The following METTL3 variants were observed in gnomAD, a reference collection of about 807,000 sequenced individuals.
METTL3 encodes the protein methyltransferase 3, N6-adenosine-methyltransferase complex catalytic subunit, also known as N(6)-adenosine-methyltransferase catalytic subunit METTL3.
Under a neutral mutation model 64.3 loss-of-function variants are expected in METTL3, and 42 were observed. The ratio of observed to expected loss-of-function variants is 0.65; its 90% CI spans 0.51 to 0.84. The LOEUF (loss-of-function observed/expected upper bound fraction) is 0.84. Ranked by LOEUF, METTL3 falls within the 40% of genes least tolerant of loss-of-function variation. The probability of loss-of-function intolerance (pLI) is 0.00; values close to 1 mark genes in which losing one functional copy is unlikely to be tolerated. For synonymous variants in METTL3, 256 were observed against 263.6 expected (o/e 0.97, Z 0.28); for missense variants, 435 against 722.3 (o/e 0.60, Z 4.56).
chr14:21,510,889 C>G (rs899946285), intron 1 of METTL3: 9 of 505,060 alleles, frequency 1.8e-5, no homozygotes, highest in Non-Finnish European at 3.2e-5. Flanking sequence ...GGGTGGGGCT[C>G]AAGCGTCCGT....
intron 3 of METTL3, 109 bp from the exon 4 acceptor site, chr14:21,502,012 CTTTTTTTTTTT>C: frequency 2.2e-6 from 1 of 457,332 alleles, no homozygotes; most frequent in Non-Finnish European, 3.7e-6. Flanking sequence ...GATAAATCAA[CTTTTTTTTTTT>C]TTTTTTTTTT....
chr14:21,500,158 G>C (rs1391271438), intron 6 of METTL3, among the ~76,000 whole-genome samples: 2 of 152,092 alleles, frequency 1.3e-5, no homozygotes, highest in African/African-American at 4.8e-5. Context: ...AGGAGATAGA[G>C]ACCATCCTGG....
In METTL3 at chr14:21,501,793, A is replaced by G; in HGVS notation, c.834T>C (p.Tyr278=). ...CTTTCATGCACTCCTCCTTGGTTCC[A>G]TAGTCACAGAATTCTTGCACTTGGG... ...GRAQVQEFCD[Y]GTKEECMKAS... Residue 278 remains tyrosine (Y), a synonymous_variant, in exon 4 of 11, where the codon TAT becomes TAC. Coordinates refer to ENST00000298717, the MANE Select transcript of METTL3 (RefSeq NM_019852.5). 6.2e-7 allele frequency: 1 copy of G among 1,614,158 alleles called. No homozygotes were observed. Among genetic ancestry groups the G allele is most frequent in the Non-Finnish European group, 8.5e-7 (1 of 1,180,022 alleles).
chr14:21,507,055 C>T (rs1380885185), intron 1 of METTL3, among the ~76,000 whole-genome samples: 3 of 152,092 alleles, frequency 2.0e-5, no homozygotes, highest in Non-Finnish European at 4.4e-5. Context: ...GCTGTGGACA[C>T]CTGTAGTCAC....
At chr14:21,510,977 G>C (rs1891821276) in intron 1 of METTL3, 147 bp downstream of exon 1, 7 of 881,184 alleles carry the variant, frequency 7.9e-6, no homozygotes, top group Non-Finnish European at 1.2e-5. Flanking sequence ...GCGAACGTCT[G>C]CTGCTGAAGG....
chr14:21,498,586 G>A (rs557566602), intron 10 of METTL3: 3 of 575,586 alleles, frequency 5.2e-6, no homozygotes. Context: ...TTATCTGAGG[G>A]TTAGTAACTA....
chr14:21,508,755 G>A (rs1292234399), intron 1 of METTL3, among the ~76,000 whole-genome samples: 2 of 152,146 alleles, frequency 1.3e-5, no homozygotes, highest in African/African-American at 4.8e-5. Context: ...TTAGCCAGGA[G>A]TGGTGGCACA....
chr14:21,502,081 T>A (rs1891583525), intron 3 of METTL3, among the ~76,000 whole-genome samples, 178 bp from the exon 4 acceptor site: 1 of 150,220 alleles, frequency 6.7e-6, no homozygotes, highest in Admixed American at 6.7e-5. Flanking sequence ...AGTTGTGTAA[T>A]CATAACTCAC....
intron 3 of METTL3, chr14:21,502,894 C>G: frequency 2.9e-6 from 1 of 348,982 alleles, no homozygotes; most frequent in East Asian, 4.5e-5. Flanking sequence ...CACTTTGGGA[C>G]AGACAACTGT....
chr14:21,501,214 T>C (rs953778744), intron 4 of METTL3, 85 bp from the exon 5 acceptor site: 1 of 1,033,290 alleles, frequency 9.7e-7, no homozygotes, highest in Non-Finnish European at 1.4e-6. Context: ...AAAATGTCTA[T>C]TTTATTACCC....
intron 10 of METTL3, chr14:21,498,818 A>C: frequency 1.8e-6 from 1 of 555,476 alleles, no homozygotes; most frequent in South Asian, 2.2e-5. Context: ...CCTAGGGAGC[A>C]GTGCTTTTGG....
At position 21,511,220 on chromosome 14, in the gene METTL3, A is replaced by G. The variant is rs1443916738; in HGVS notation, c.4T>C (p.Ser2Pro). 1.2e-6 allele frequency: 2 copies of G among 1,613,414 alleles called. No individual in the cohort carries two copies. The highest frequency in any genetic ancestry group is 2.2e-5 in the East Asian group (1 of 44,842). Residue 2 changes from serine to proline, a missense_variant, in exon 1 of 11, where the codon TCG (serine) becomes CCG (proline). Transcript: ENST00000298717. MSDTWSSIQAHK... is the reference protein window; with the variant it reads MPDTWSSIQAHK... ...GCCTGGATAGAGCTCCACGTGTCCGACATCCTAGTCTCCCAGCCCTGACAC... is the reference window on the plus strand; with the variant it reads ...GCCTGGATAGAGCTCCACGTGTCCGGCATCCTAGTCTCCCAGCCCTGACAC...
rs148327070 is a variant in METTL3 at position 21,503,344 on chromosome 14, C to A, written c.552G>T (p.Ser184=). 2 of 1,614,122 alleles carry A rather than the reference C, an allele frequency of 1.2e-6. No homozygotes were observed. Among genetic ancestry groups the A allele is most frequent in the Non-Finnish European group, 1.7e-6 (2 of 1,180,016 alleles). ...TGQKRRAEQD[S]TTVAAFASSL... is the part of the protein sequence containing the mutation. The stretch of plus-strand genomic sequence containing the variant: ...AACTGGCAAAGGCAGCTACTGTAGT[C>A]GAGTCCTGTTCTGCACGCCGCTTCT... The change falls in exon 3 of 11, where the codon TCG becomes TCT. Residue 184 remains serine, a synonymous_variant. Coordinates refer to ENST00000298717, the MANE Select transcript of METTL3 (RefSeq NM_019852.5).
chr14:21,498,297 C>T lies in METTL3; in HGVS notation c.1704G>A (p.Arg568=). ...DPDVVARFKQ[R]YPDGIISKPK... ...GTTTAGAGATGATACCATCTGGGTACCTTTGCTTGAACCGTGCAACCACAT... is the reference window on the plus strand; with the variant it reads ...GTTTAGAGATGATACCATCTGGGTATCTTTGCTTGAACCGTGCAACCACAT... Residue 568 remains arginine, a synonymous_variant, in exon 11 of 11, where the codon AGG becomes AGA. Transcript: ENST00000298717. 6.2e-7 allele frequency: 1 copy of T among 1,613,540 alleles called. No homozygotes were observed. Among genetic ancestry groups the T allele is most frequent in the Non-Finnish European group, 8.5e-7 (1 of 1,179,460 alleles).
At chr14:21,501,353 C>T in intron 4 of METTL3, 1 of 568,152 alleles carries the variant, frequency 1.8e-6, no homozygotes, top group Non-Finnish European at 3.1e-6. Flanking sequence ...CCTGTTTTAC[C>T]ACTGGAAGGC....
chr14:21,499,740 GAA>G (rs765832769), intron 7 of METTL3, 22 bp downstream of exon 7: 3 of 1,610,040 alleles, frequency 1.9e-6, no homozygotes, highest in Non-Finnish European at 2.5e-6. Flanking sequence ...ACCCTCAAAA[GAA>G]AGCAACACAA....
At position 21,500,681 on chromosome 14, in the gene METTL3, C is replaced by T. The variant is rs1428313347; in HGVS notation, c.1118G>A (p.Trp373Ter). The T allele has an allele frequency of 6.2e-7, 1 of 1,611,758 alleles. No homozygotes were observed. Among genetic ancestry groups the T allele is most frequent in the African/African-American group, 1.3e-5 (1 of 74,864 alleles). ...SSADRLFPPQ[W>*]ICCDIRYLDV... ...CAGGTAGCGGATATCACAACAGATCCACTGCATAAAGTGGTATTTGGTCAT... is the reference window on the plus strand; with the variant it reads ...CAGGTAGCGGATATCACAACAGATCTACTGCATAAAGTGGTATTTGGTCAT... Residue 373 changes from tryptophan to a stop codon, truncating the protein, a stop_gained and splice_region_variant, in exon 6 of 11, where the codon TGG (tryptophan) becomes TAG (stop). Transcript: ENST00000298717. LOFTEE classifies it high-confidence loss of function.
chr14:21,498,576 T>A (rs1891470678), intron 10 of METTL3: 1 of 592,782 alleles, frequency 1.7e-6, no homozygotes, highest in East Asian at 2.8e-5. Flanking sequence ...TGGATCTGTA[T>A]TATCTGAGGG....
chr14:21,507,276 G>A (rs962605250), intron 1 of METTL3, among the ~76,000 whole-genome samples: 2 of 152,178 alleles, frequency 1.3e-5, no homozygotes, highest in African/African-American at 4.8e-5. Context: ...TATTAACGAT[G>A]TGGTGGGTAC....
Sources: allele counts gnomAD v4.1 joint callset (sites outside exome capture counted in the v4.1 genomes callset), GRCh38; gene constraint gnomAD v4.1.1; transcripts MANE v1.5; gene names NCBI Gene and HGNC (gene_info 2026-07-23, HGNC 2026-07-21).